METAP2: variants seen among roughly 807,000 people sequenced by gnomAD.
The protein encoded by METAP2 is methionyl aminopeptidase 2, also known as methionine aminopeptidase 2.
Under a neutral mutation model 59.4 loss-of-function variants are expected in METAP2, and 25 were observed. The observed-to-expected ratio is 0.42, with a 90% confidence interval of 0.31 to 0.59. METAP2 has a LOEUF of 0.59. METAP2 is among the 20% of genes least tolerant of loss of function. The probability of loss-of-function intolerance (pLI) is 0.16; values close to 1 mark genes in which losing one functional copy is unlikely to be tolerated. For synonymous variants in METAP2, 214 were observed against 194.1 expected (o/e 1.10, Z -0.85); for missense variants, 366 against 581.2 (o/e 0.63, Z 3.81).
At chr12:95,506,855 C>T (rs557237388) in intron 8 of METAP2, among the ~76,000 whole-genome samples, 4 of 150,294 alleles carry the variant, frequency 2.7e-5, no homozygotes, top group Non-Finnish European at 6.0e-5. Context: ...CGTTCTGTCA[C>T]CCAGGCTGGA....
In METAP2 at chr12:95,488,759, A is replaced by T. The variant is rs183571677; in HGVS notation, c.428+2778A>T. On this transcript the variant is annotated intron_variant, in intron 4 of 10. Transcript: ENST00000323666. ...GTATTCCCATGTATATAATGGAATC[A>T]GTTTCTGGATTATTTACTCTGCTCC... 1.5e-3 allele frequency among the ~76,000 whole-genome samples: 232 copies of T among 152,148 alleles called. 1 individual carries two copies. Among genetic ancestry groups the T allele is most frequent in the Admixed American group, 5.1e-3 (78 of 15,274 alleles).
intron 2 of METAP2, among the ~76,000 whole-genome samples, chr12:95,476,683 GTTAA>G (rs2076122508): frequency 6.6e-6 from 1 of 152,130 alleles, no homozygotes; most frequent in African/African-American, 2.4e-5. Context: ...AGTTCAATGT[GTTAA>G]TTAGCTGTTC....
rs761017724 is a variant in METAP2 at position 95,476,034 on chromosome 12, G to A, written c.152-37G>A. 2.4e-6 allele frequency: 3 copies of A among 1,266,782 alleles called. No individual in the cohort carries two copies. In the East Asian group the frequency reaches 7.0e-5, roughly 30 times the overall value. 78.5% of individuals were successfully genotyped at this position (1,266,782 alleles called of 1,614,324 possible). On this transcript the variant is annotated intron_variant, in intron 1 of 10. Transcript: ENST00000323666. ...AGCATATTCTAGTGGGAAAGTGTCT[G>A]TATTAGATTTGATTTCTGCTATTTT...
rs373779339 is a variant in METAP2 at position 95,513,047 on chromosome 12, G to GA, written c.1184+140dup. On this transcript the variant is annotated intron_variant, in intron 10 of 10. Transcript: ENST00000323666. Reference sequence around the variant, plus strand: ...GTAGAGTTCTGTAGCCCAACAATAAGAAAAAAAAATAGCCTGTTAAACATT... The same window carrying GA: ...GTAGAGTTCTGTAGCCCAACAATAAGAAAAAAAAAATAGCCTGTTAAACATT... 1,426 of 303,382 alleles carry GA rather than the reference G, an allele frequency of 4.7e-3. 2 individuals carry two copies. The highest frequency in any genetic ancestry group is 0.015 in the African/African-American group (558 of 37,654). 18.8% of individuals were successfully genotyped at this position (303,382 alleles called of 1,614,324 possible).
At chr12:95,489,848 C>T (rs1451233800) in intron 4 of METAP2, among the ~76,000 whole-genome samples, 1 of 152,074 alleles carries the variant, frequency 6.6e-6, no homozygotes, top group African/African-American at 2.4e-5. Context: ...CAGAAAAAAA[C>T]CCAAAAAACT....
At chr12:95,489,230 T>G (rs2076219882) in intron 4 of METAP2, among the ~76,000 whole-genome samples, 1 of 152,018 alleles carries the variant, frequency 6.6e-6, no homozygotes, top group South Asian at 2.1e-4. Flanking sequence ...TATGGAACAC[T>G]TGAAGTGGTA....
chr12:95,481,855 A>G (rs957878036), intron 2 of METAP2, among the ~76,000 whole-genome samples: 3 of 152,322 alleles, frequency 2.0e-5, no homozygotes, highest in Non-Finnish European at 4.4e-5. Context: ...TCACAACCTA[A>G]AACAAATACT....
chr12:95,509,833 AC>A (rs1188114385), intron 8 of METAP2, among the ~76,000 whole-genome samples: 1 of 118,602 alleles, frequency 8.4e-6, no homozygotes, highest in African/African-American at 3.3e-5. Context: ...TTTTTTTAAG[AC>A]CTCCCCCCCA....
Position 95,515,604 on chromosome 12 carries a change from A to C in METAP2, c.*1700A>C, listed in dbSNP as rs1317350091. On this transcript the variant is annotated 3_prime_UTR_variant, in exon 11 of 11. Coordinates refer to ENST00000323666, the MANE Select transcript of METAP2 (RefSeq NM_006838.4). ...TGATCTCAAACCAATTAGGAGCTCCAAGCTCCCTTCCCAGGTAACTGTTGG... is the reference window on the plus strand; with the variant it reads ...TGATCTCAAACCAATTAGGAGCTCCCAGCTCCCTTCCCAGGTAACTGTTGG... 2 of 152,244 alleles carry C rather than the reference A, an allele frequency of 1.3e-5. No individual in the cohort carries two copies. The highest frequency in any genetic ancestry group is 4.8e-5 in the African/African-American group (2 of 41,464). The allele number at this position is 152,244 out of a possible 1,614,324, so 9.4% of individuals were successfully genotyped here.
rs201719976 is a variant in METAP2 at position 95,514,593 on chromosome 12, A to G, written c.*689A>G. On this transcript the variant is annotated 3_prime_UTR_variant, in exon 11 of 11. Transcript: ENST00000323666. ...AGTCCTTGTCTTTTTTTCTCCTGAC[A>G]TTGGAAAGATGTGCTAATTGAAACT... 3 of 152,034 alleles carry G rather than the reference A, an allele frequency of 2.0e-5. No homozygotes were observed. The highest frequency in any genetic ancestry group is 4.8e-5 in the African/African-American group (2 of 41,410). The allele number at this position is 152,034 out of a possible 1,614,324, so 9.4% of individuals were successfully genotyped here. A position where few individuals can be genotyped will look rare whatever the true frequency, so the allele number is the denominator to read the frequency against.
At chr12:95,510,559 ACTC>A (rs1232163799) in intron 8 of METAP2, among the ~76,000 whole-genome samples, 1 of 152,086 alleles carries the variant, frequency 6.6e-6, no homozygotes, top group Non-Finnish European at 1.5e-5. Context: ...CATGGCCCAA[ACTC>A]CTCCTGTTAG....
At chr12:95,491,571 T>G (rs1466863450) in intron 4 of METAP2, among the ~76,000 whole-genome samples, 1 of 152,046 alleles carries the variant, frequency 6.6e-6, no homozygotes, top group African/African-American at 2.4e-5. Context: ...AGTGCAGTGG[T>G]GCAGTCTTGG....
chr12:95,502,846 C>G (rs182981833), intron 7 of METAP2, among the ~76,000 whole-genome samples: 1 of 151,750 alleles, frequency 6.6e-6, no homozygotes, highest in East Asian at 1.9e-4. Context: ...TTTGAATTCT[C>G]CTTGTGAATT....
intron 4 of METAP2, among the ~76,000 whole-genome samples, chr12:95,490,972 T>G (rs896559872): frequency 2.6e-5 from 4 of 152,184 alleles, no homozygotes; most frequent in African/African-American, 9.6e-5. Flanking sequence ...ATAAAATAAG[T>G]GATTATGACC....
At chr12:95,480,339 T>G (rs2076149575) in intron 2 of METAP2, among the ~76,000 whole-genome samples, 1 of 152,216 alleles carries the variant, frequency 6.6e-6, no homozygotes, top group Admixed American at 6.5e-5. Context: ...ACTATGAACA[T>G]TTGCATATGG....
intron 1 of METAP2, among the ~76,000 whole-genome samples, chr12:95,474,665 C>T (rs1048639495): frequency 6.6e-6 from 1 of 152,184 alleles, no homozygotes; most frequent in African/African-American, 2.4e-5. Context: ...ACAGCCCTAC[C>T]ATCTTTCGCG....
chr12:95,501,819 C>G (rs1216195413), intron 7 of METAP2, among the ~76,000 whole-genome samples: 4 of 144,598 alleles, frequency 2.8e-5, no homozygotes, highest in African/African-American at 5.0e-5. Flanking sequence ...TACAATTGGC[C>G]TTTTTTTTTT....
At chr12:95,501,572 A>G (rs2140157988) in intron 7 of METAP2, among the ~76,000 whole-genome samples, 1 of 152,156 alleles carries the variant, frequency 6.6e-6, no homozygotes, top group South Asian at 2.1e-4. Flanking sequence ...AAAATTAGCT[A>G]GGCTTAGTGG....
intron 2 of METAP2, among the ~76,000 whole-genome samples, chr12:95,479,233 TA>T (rs1358011835): frequency 6.6e-6 from 1 of 152,194 alleles, no homozygotes; most frequent in Admixed American, 6.6e-5. Flanking sequence ...TGTAAACTGA[TA>T]GTCATAAATA....
Sources: allele counts gnomAD v4.1 joint callset (sites outside exome capture counted in the v4.1 genomes callset), GRCh38; gene constraint gnomAD v4.1.1; transcripts MANE v1.5; gene names NCBI Gene and HGNC (gene_info 2026-07-23, HGNC 2026-07-21).